CALHM3: variants seen among roughly 807,000 people sequenced by gnomAD.
CALHM3 encodes calcium homeostasis modulator 3, also known as calcium homeostasis modulator protein 3.
A neutral mutation model predicts 13.6 loss-of-function variants in CALHM3; 9 were observed. The ratio of observed to expected loss-of-function variants is 0.66; its 90% CI spans 0.40 to 1.15. The LOEUF is 1.15. Among genes scored for constraint, CALHM3 ranks in the 50% most tolerant of loss-of-function variants. The pLI is 0.01. For synonymous variants in CALHM3, 231 were observed against 213.2 expected (o/e 1.08, Z -0.73); for missense variants, 497 against 463.4 (o/e 1.07, Z -0.67).
chr10:103,473,978 C>T (rs180902415), intron 2 of CALHM3, among the ~76,000 whole-genome samples: 20 of 152,318 alleles, frequency 1.3e-4, no homozygotes, highest in Non-Finnish European at 2.5e-4. Flanking sequence ...GTGTGATCAT[C>T]AGATTACATG....
intron 2 of CALHM3, 80 bp from the exon 3 acceptor site, chr10:103,473,784 A>G: frequency 7.3e-7 from 1 of 1,378,856 alleles, no homozygotes; most frequent in Non-Finnish European, 9.5e-7. Context: ...TACGTATATG[A>G]ATGTTGCATA....
At position 103,478,733 on chromosome 10, in the gene CALHM3, T is replaced by C. The variant is rs752050213; in HGVS notation, c.287+13A>G. On this transcript the variant is annotated intron_variant, in intron 1 of 2. Coordinates refer to ENST00000369783, the MANE Select transcript of CALHM3 (RefSeq NM_001129742.2). ...GCAAAGCTCATGGGTCACTGAGTGG[T>C]GTGGGACCGCACCTGATGATGCCTG... 1 of 1,509,020 alleles carries C rather than the reference T, an allele frequency of 6.6e-7. No individual in the cohort carries two copies. Among genetic ancestry groups the C allele is most frequent in the Non-Finnish European group, 8.9e-7 (1 of 1,124,450 alleles). 93.5% of individuals were successfully genotyped at this position (1,509,020 alleles called of 1,614,324 possible).
At position 103,473,137 on chromosome 10, in the gene CALHM3, G is replaced by A; in HGVS notation, c.*76C>T. The A allele has an allele frequency of 7.9e-7, 1 of 1,265,970 alleles. No individual in the cohort carries two copies. The highest frequency in any genetic ancestry group is 1.0e-6 in the Non-Finnish European group (1 of 999,484). The allele number at this position is 1,265,970 out of a possible 1,614,324, so 78.4% of individuals were successfully genotyped here. A position where few individuals can be genotyped will look rare whatever the true frequency, so the allele number is the denominator to read the frequency against. ...GGGTGCCTGCCGTGGGGTCCCCACGGCCTGGAAAGACTCCAGAACTTTGTC... is the reference window on the plus strand; with the variant it reads ...GGGTGCCTGCCGTGGGGTCCCCACGACCTGGAAAGACTCCAGAACTTTGTC... On this transcript the variant is annotated 3_prime_UTR_variant, in exon 3 of 3. Coordinates refer to ENST00000369783, the MANE Select transcript of CALHM3 (RefSeq NM_001129742.2).
chr10:103,476,159 T>A, intron 2 of CALHM3, 135 bp downstream of exon 2: 2 of 1,229,286 alleles, frequency 1.6e-6, no homozygotes, highest in Non-Finnish European at 2.3e-6. Flanking sequence ...AGCAGTGGTC[T>A]CCAGCACTTC....
chr10:103,475,633 G>T (rs902446680), intron 2 of CALHM3, among the ~76,000 whole-genome samples: 1 of 152,250 alleles, frequency 6.6e-6, no homozygotes, highest in Non-Finnish European at 1.5e-5. Flanking sequence ...CCATTGGCCA[G>T]CCCATGAGCC....
chr10:103,476,141 C>A (rs1243416569), intron 2 of CALHM3, among the ~76,000 whole-genome samples, 153 bp downstream of exon 2: 1 of 152,200 alleles, frequency 6.6e-6, no homozygotes, highest in Non-Finnish European at 1.5e-5. Context: ...TGGGCGCAGG[C>A]AAGGCAGAGC....
At chr10:103,474,542 C>T (rs371046492) in intron 2 of CALHM3, among the ~76,000 whole-genome samples, 20 of 152,276 alleles carry the variant, frequency 1.3e-4, no homozygotes, top group African/African-American at 4.6e-4. Flanking sequence ...GGAACCTCCC[C>T]CTCCTGGGTT....
chr10:103,479,134 G>A lies in CALHM3; in HGVS notation c.-102C>T. On this transcript the variant is annotated 5_prime_UTR_variant, in exon 1 of 3. Coordinates refer to ENST00000369783, the MANE Select transcript of CALHM3 (RefSeq NM_001129742.2). ...CTGGGGACGAGCCTGGGATCTGCAA[G>A]AGGTTCTCTCTCTGCTTCCAAGGGC... The A allele has an allele frequency of 7.6e-7, 1 of 1,310,978 alleles. No homozygotes were observed. Among genetic ancestry groups the A allele is most frequent in the Non-Finnish European group, 1.0e-6 (1 of 968,650 alleles). 81.2% of individuals were successfully genotyped at this position (1,310,978 alleles called of 1,614,324 possible). A position where few individuals can be genotyped will look rare whatever the true frequency, so the allele number is the denominator to read the frequency against.
At chr10:103,477,325 C>T (rs2033401281) in intron 1 of CALHM3, among the ~76,000 whole-genome samples, 2 of 152,164 alleles carry the variant, frequency 1.3e-5, no homozygotes. Flanking sequence ...GAGCTGTGCC[C>T]ACTGGACCCC....
In CALHM3 at chr10:103,473,531, C is replaced by G; in HGVS notation, c.717G>C (p.Ala239=). Residue 239 remains alanine (A), a synonymous_variant, in exon 3 of 3, where the codon GCG becomes GCC. Transcript: ENST00000369783. ...CAAAGAAGTGCAGCACGCAGCGGTGCGCGAAGTCCCGCGCATGCTCACAGC... is the reference window on the plus strand; with the variant it reads ...CAAAGAAGTGCAGCACGCAGCGGTGGGCGAAGTCCCGCGCATGCTCACAGC... The part of the protein sequence containing the change: ...ETCCEHARDF[A]HRCVLHFFAS... 6.4e-7 allele frequency: 1 copy of G among 1,551,106 alleles called. No homozygotes were observed.
intron 2 of CALHM3, 132 bp from the exon 3 acceptor site, chr10:103,473,836 C>A: frequency 1.7e-6 from 2 of 1,182,736 alleles, no homozygotes; most frequent in Non-Finnish European, 2.3e-6. Context: ...CTTCATTTTC[C>A]AATGGATTCA....
intron 2 of CALHM3, 50 bp from the exon 3 acceptor site, chr10:103,473,754 T>TATACATACGTATTCATAA: frequency 6.9e-7 from 1 of 1,458,884 alleles, no homozygotes; most frequent in Non-Finnish European, 9.0e-7. Flanking sequence ...CCTAATCCTA[T>TATACATACGTATTCATAA]ATACATATGT....
chr10:103,474,898 T>G (rs2033372036), intron 2 of CALHM3, among the ~76,000 whole-genome samples: 1 of 152,206 alleles, frequency 6.6e-6, no homozygotes, highest in Admixed American at 6.5e-5. Context: ...ACAGAGCTCA[T>G]ACCTTAGTGA....
intron 2 of CALHM3, among the ~76,000 whole-genome samples, chr10:103,474,108 C>T (rs936782664): frequency 6.6e-6 from 1 of 152,080 alleles, no homozygotes; most frequent in South Asian, 2.1e-4. Flanking sequence ...TTACATTTCC[C>T]ATCCATCCTT....
Position 103,473,293 on chromosome 10 carries a change from C to G in CALHM3, c.955G>C (p.Gly319Arg). ...KPPLDLAASP[G>R]LCGGGLSHRA... ...TGGCTAAGGCCACCCCCGCAGAGCC[C>G]GGGGGATGCAGCCAGGTCCAGCGGC... is the stretch of plus-strand genomic sequence containing the variant. Residue 319 changes from glycine to arginine, a missense_variant, in exon 3 of 3, where the codon GGG becomes CGG. Physicochemically the swap from Gly to Arg is moderately radical, Grantham distance 125. Transcript: ENST00000369783. 2 of 1,480,806 alleles carry G rather than the reference C, an allele frequency of 1.4e-6. No homozygotes were observed. The highest frequency in any genetic ancestry group is 1.8e-6 in the Non-Finnish European group (2 of 1,112,300). 91.7% of individuals were successfully genotyped at this position (1,480,806 alleles called of 1,614,324 possible).
chr10:103,475,547 G>C lies in CALHM3; in HGVS notation c.543+747C>G, dbSNP rs142794683. 1.7e-4 allele frequency among the ~76,000 whole-genome samples: 26 copies of C among 152,302 alleles called. 1 individual carries two copies. In the East Asian group the frequency reaches 5.0e-3, roughly 29 times the overall value. On this transcript the variant is annotated intron_variant, in intron 2 of 2. Transcript: ENST00000369783. Reference sequence around the variant, plus strand: ...TTGCATGATAAACTGAGGTCCAGAGGGGTAGTCCCATGGCCACGGTCACAG... The same window carrying C: ...TTGCATGATAAACTGAGGTCCAGAGCGGTAGTCCCATGGCCACGGTCACAG...
chr10:103,477,500 A>G (rs1458315812), intron 1 of CALHM3, among the ~76,000 whole-genome samples: 1 of 152,220 alleles, frequency 6.6e-6, no homozygotes, highest in East Asian at 1.9e-4. Context: ...GGTGTGTGCC[A>G]GGTGTGTGCG....
At position 103,473,210 on chromosome 10, in the gene CALHM3, A is replaced by T. The variant is rs1192881784; in HGVS notation, c.*3T>A. ...CACTGCCGCTTCAAGCCTGGCCAGG[A>T]CCCTACACGTCGGTGTGTTGTGACA... On this transcript the variant is annotated 3_prime_UTR_variant, in exon 3 of 3. Transcript: ENST00000369783. The T allele has an allele frequency of 7.1e-7, 1 of 1,400,356 alleles. No homozygotes were observed. Among genetic ancestry groups the T allele is most frequent in the African/African-American group, 1.5e-5 (1 of 67,044 alleles). The allele number at this position is 1,400,356 out of a possible 1,614,324, so 86.7% of individuals were successfully genotyped here.
rs1287505657 is a variant in CALHM3 at position 103,478,706 on chromosome 10, T to C, written c.287+40A>G. The C allele has an allele frequency of 8.8e-6, 13 of 1,470,668 alleles. No individual in the cohort carries two copies. In the Admixed American group the frequency reaches 1.2e-4, roughly 14 times the overall value. 91.1% of individuals were successfully genotyped at this position (1,470,668 alleles called of 1,614,324 possible). ...GCCTGTGGGGTGGCTGGGGAGCCCCTGGCAAAGCTCATGGGTCACTGAGTG... is the reference window on the plus strand; with the variant it reads ...GCCTGTGGGGTGGCTGGGGAGCCCCCGGCAAAGCTCATGGGTCACTGAGTG... On this transcript the variant is annotated intron_variant, in intron 1 of 2. Transcript: ENST00000369783.
Sources: allele counts gnomAD v4.1 joint callset (sites outside exome capture counted in the v4.1 genomes callset), GRCh38; gene constraint gnomAD v4.1.1; transcripts MANE v1.5; gene names NCBI Gene and HGNC (gene_info 2026-07-23, HGNC 2026-07-21).